PHF20L1: variants seen among roughly 807,000 people sequenced by gnomAD.
PHF20L1 encodes the protein PHD finger protein 20-like protein 1.
In PHF20L1, 44 loss-of-function variants were observed where a neutral mutation model predicts 125.5. The observed-to-expected ratio is 0.35, with a 90% CI of 0.28 to 0.45. PHF20L1 has a LOEUF of 0.45. Among genes scored for constraint, PHF20L1 ranks in the 20% least tolerant of loss-of-function variants. The probability of loss-of-function intolerance (pLI) is 1.00; values close to 1 mark genes in which losing one functional copy is unlikely to be tolerated. For synonymous variants in PHF20L1, 380 were observed against 403.1 expected (o/e 0.94, Z 0.69); for missense variants, 1,012 against 1,217.2 (o/e 0.83, Z 2.51).
intron 4 of PHF20L1, among the ~76,000 whole-genome samples, chr8:132,797,450 G>T (rs1832533049): frequency 6.6e-6 from 1 of 151,928 alleles, no homozygotes; most frequent in Non-Finnish European, 1.5e-5. Flanking sequence ...AAAGGAGAAA[G>T]GCATCACAAC....
intron 8 of PHF20L1, chr8:132,808,750 A>C (rs1375945045): frequency 1.3e-5 from 2 of 151,682 alleles, no homozygotes; most frequent in Non-Finnish European, 2.9e-5. Flanking sequence ...CTGTTTTTGT[A>C]AAATTGTTTA....
chr8:132,847,909 A>G lies in PHF20L1; in HGVS notation c.*1986A>G, dbSNP rs562531696. ...ATGTCTATATTTTATGATTGATACTATTATTTTTCCTTTGCATTTTAAAAT... is the reference window on the plus strand; with the variant it reads ...ATGTCTATATTTTATGATTGATACTGTTATTTTTCCTTTGCATTTTAAAAT... On this transcript the variant is annotated 3_prime_UTR_variant, in exon 21 of 21. Coordinates refer to ENST00000395386, the MANE Select transcript of PHF20L1 (RefSeq NM_016018.5). 4.9e-4 allele frequency: 75 copies of G among 152,266 alleles called. 1 individual carries two copies. Among genetic ancestry groups the G allele is most frequent in the African/African-American group, 1.7e-3 (69 of 41,562 alleles). 9.4% of individuals were successfully genotyped at this position (152,266 alleles called of 1,614,324 possible). A position where few individuals can be genotyped will look rare whatever the true frequency, so the allele number is the denominator to read the frequency against.
At chr8:132,812,475 A>G (rs748443618) in intron 9 of PHF20L1, 52 of 984,662 alleles carry the variant, frequency 5.3e-5, no homozygotes, top group Non-Finnish European at 6.0e-5. Flanking sequence ...AGAAAGGAAA[A>G]TTGTGTAACT....
intron 2 of PHF20L1, among the ~76,000 whole-genome samples, chr8:132,791,759 T>C (rs1355215318): frequency 6.6e-6 from 1 of 152,210 alleles, no homozygotes; most frequent in Admixed American, 6.5e-5. Context: ...CTGTGTTACT[T>C]AATTCTTGGC....
At chr8:132,835,283 T>G (rs776684785) in intron 15 of PHF20L1, among the ~76,000 whole-genome samples, 7 of 152,114 alleles carry the variant, frequency 4.6e-5, no homozygotes, top group Non-Finnish European at 8.8e-5. Context: ...AGTGAAGAGA[T>G]AACTCAGAAT....
At chr8:132,830,484 C>G (rs757345355) in intron 14 of PHF20L1, among the ~76,000 whole-genome samples, 3 of 152,092 alleles carry the variant, frequency 2.0e-5, no homozygotes, top group Non-Finnish European at 2.9e-5. Context: ...TTAGCACAGA[C>G]CAATGCGTCT....
At chr8:132,777,573 T>G (rs1354606925) in intron 1 of PHF20L1, among the ~76,000 whole-genome samples, 1 of 152,220 alleles carries the variant, frequency 6.6e-6, no homozygotes, top group East Asian at 1.9e-4. Context: ...TTCTTTGTTC[T>G]TTTTCTTAAA....
rs181000683 is a variant in PHF20L1, at chr8:132,846,790, C to T, written c.*867C>T. On this transcript the variant is annotated 3_prime_UTR_variant, in exon 21 of 21. Transcript: ENST00000395386. Reference sequence around the variant, plus strand: ...GTTGAATGGCAGTATTCAGGCTCAACGTACAGTTTGATCCTGAGTATGCTT... The same window carrying T: ...GTTGAATGGCAGTATTCAGGCTCAATGTACAGTTTGATCCTGAGTATGCTT... The T allele has an allele frequency of 8.6e-5, 13 of 151,504 alleles. No individual in the cohort carries two copies. The highest frequency in any genetic ancestry group is 2.4e-4 in the African/African-American group (10 of 41,020). 9.4% of individuals were successfully genotyped at this position (151,504 alleles called of 1,614,324 possible).
chr8:132,843,208 T>C (rs1382353029), intron 19 of PHF20L1: 1 of 1,016,068 alleles, frequency 9.8e-7, no homozygotes, highest in Non-Finnish European at 1.2e-6. Flanking sequence ...AAAGTACATA[T>C]GGGTGTAATG....
chr8:132,792,833 C>G (rs1368320503), intron 2 of PHF20L1, among the ~76,000 whole-genome samples: 1 of 152,106 alleles, frequency 6.6e-6, no homozygotes, highest in Non-Finnish European at 1.5e-5. Context: ...TACATGTTTT[C>G]TTGACTCTAG....
intron 6 of PHF20L1, among the ~76,000 whole-genome samples, chr8:132,802,953 G>T (rs1224337987): frequency 6.6e-6 from 1 of 151,682 alleles, no homozygotes; most frequent in Non-Finnish European, 1.5e-5. Flanking sequence ...ACTTTGTAGA[G>T]ATATTTATAT....
intron 15 of PHF20L1, among the ~76,000 whole-genome samples, chr8:132,834,862 C>T (rs1325655898): frequency 3.3e-5 from 5 of 151,736 alleles, no homozygotes; most frequent in Non-Finnish European, 5.9e-5. Flanking sequence ...TCTTTATTAT[C>T]TATTTCTGCT....
At position 132,794,678 on chromosome 8, in the gene PHF20L1, T is replaced by G; in HGVS notation, c.256-55T>G. 6.0e-6 allele frequency: 9 copies of G among 1,506,548 alleles called. No homozygotes were observed. In the South Asian group the frequency reaches 1.1e-4, roughly 18 times the overall value. 93.3% of individuals were successfully genotyped at this position (1,506,548 alleles called of 1,614,324 possible). On this transcript the variant is annotated intron_variant, in intron 3 of 20. Coordinates refer to ENST00000395386, the MANE Select transcript of PHF20L1 (RefSeq NM_016018.5). The stretch of plus-strand genomic sequence containing the variant: ...AAATTATACAAAAGCCTGTTTTTGT[T>G]AAGAAATGCTTATTTAATATACATG...
chr8:132,790,284 A>G (rs1342085814), intron 2 of PHF20L1, among the ~76,000 whole-genome samples: 1 of 152,212 alleles, frequency 6.6e-6, no homozygotes, highest in African/African-American at 2.4e-5. Flanking sequence ...TCTTCACTGT[A>G]TGTATCAAAA....
chr8:132,786,592 C>G (rs897228494), intron 2 of PHF20L1, among the ~76,000 whole-genome samples: 1 of 152,032 alleles, frequency 6.6e-6, no homozygotes, highest in Non-Finnish European at 1.5e-5. Context: ...TCATCAGTTG[C>G]AAGATGCAGA....
At chr8:132,792,368 A>C (rs1831828321) in intron 2 of PHF20L1, among the ~76,000 whole-genome samples, 1 of 152,208 alleles carries the variant, frequency 6.6e-6, no homozygotes, top group African/African-American at 2.4e-5. Context: ...ACACTGCAAA[A>C]GACAAGTATT....
chr8:132,792,636 C>T (rs1056262543), intron 2 of PHF20L1, among the ~76,000 whole-genome samples: 7 of 152,152 alleles, frequency 4.6e-5, no homozygotes, highest in Admixed American at 1.3e-4. Context: ...CTGCTGCTTA[C>T]GCCTGCAAAC....
At chr8:132,784,653 AAAT>A (rs1312827804) in intron 2 of PHF20L1, among the ~76,000 whole-genome samples, 2 of 152,226 alleles carry the variant, frequency 1.3e-5, no homozygotes, top group African/African-American at 4.8e-5. Context: ...AATTTGGAAA[AAAT>A]ATAGAGGTTT....
At chr8:132,812,732 T>C (rs1834539989) in intron 9 of PHF20L1, 1 of 984,134 alleles carries the variant, frequency 1.0e-6, no homozygotes, top group Non-Finnish European at 1.2e-6. Flanking sequence ...TATAAAGCTC[T>C]TAATTACATC....
Sources: gnomAD v4.1 joint callset for allele counts (sites outside exome capture counted in the v4.1 genomes callset) on GRCh38, gnomAD v4.1.1 for gene constraint, MANE v1.5 for transcripts, NCBI Gene and HGNC (gene_info 2026-07-23, HGNC 2026-07-21) for gene names.